FAT3: variants seen among roughly 807,000 people sequenced by gnomAD.
FAT3 encodes the protein protocadherin Fat 3.
A neutral mutation model predicts 310.2 loss-of-function variants in FAT3; 95 were observed. That is an observed-to-expected ratio of 0.31 (90% CI 0.26 to 0.36). FAT3 has a LOEUF of 0.36. FAT3 is among the 10% of genes least tolerant of loss of function. The pLI is 1.00. For synonymous variants in FAT3, 2,314 were observed against 2,192.9 expected (o/e 1.06, Z -1.54); for missense variants, 5,408 against 5,715.6 (o/e 0.95, Z 1.74).
intron 1 of FAT3, among the ~76,000 whole-genome samples, chr11:92,318,901 A>G (rs1947535287): frequency 1.3e-5 from 2 of 152,224 alleles, no homozygotes; most frequent in African/African-American, 2.4e-5. Flanking sequence ...GCATGTGCTG[A>G]GTGCAGCAAA....
At chr11:92,566,589 A>G (rs1955457803) in intron 3 of FAT3, among the ~76,000 whole-genome samples, 1 of 151,724 alleles carries the variant, frequency 6.6e-6, no homozygotes, top group African/African-American at 2.4e-5. Context: ...AGTCAATCCT[A>G]AGCCAAAAGA....
At chr11:92,368,305 A>G (rs1356737457) in intron 2 of FAT3, among the ~76,000 whole-genome samples, 1 of 152,188 alleles carries the variant, frequency 6.6e-6, no homozygotes, top group Non-Finnish European at 1.5e-5. Context: ...GTTATTTTTA[A>G]TGACATGCCA....
chr11:92,515,043 C>T (rs1054589528), intron 2 of FAT3, among the ~76,000 whole-genome samples: 1 of 152,050 alleles, frequency 6.6e-6, no homozygotes, highest in African/African-American at 2.4e-5. Flanking sequence ...TCTTTGAGGT[C>T]TCTTCCAGGT....
chr11:92,268,946 C>T (rs1946041934), intron 1 of FAT3, among the ~76,000 whole-genome samples: 1 of 152,034 alleles, frequency 6.6e-6, no homozygotes, highest in Non-Finnish European at 1.5e-5. Context: ...CCATTTCAGC[C>T]TTTTACTTTG....
At position 92,895,083 on chromosome 11, in the gene FAT3, A is replaced by G. The variant is rs1950001838; in HGVS notation, c.*3970A>G. 1 of 152,226 alleles carries G rather than the reference A, an allele frequency of 6.6e-6. No individual in the cohort carries two copies. The highest frequency in any genetic ancestry group is 6.5e-5 in the Admixed American group (1 of 15,286). 9.4% of individuals were successfully genotyped at this position (152,226 alleles called of 1,614,324 possible). A position where few individuals can be genotyped will look rare whatever the true frequency, so the allele number is the denominator to read the frequency against. ...AAGATCTAGTGTTCATTTTGCATGGATTGTCCAGATAATTGGCTCTTCACT... is the reference window on the plus strand; with the variant it reads ...AAGATCTAGTGTTCATTTTGCATGGGTTGTCCAGATAATTGGCTCTTCACT... On this transcript the variant is annotated 3_prime_UTR_variant, in exon 28 of 28. Coordinates refer to ENST00000525166, the MANE Select transcript of FAT3 (RefSeq NM_001367949.2).
intron 4 of FAT3, among the ~76,000 whole-genome samples, chr11:92,735,640 A>G (rs1945322571): frequency 1.3e-5 from 2 of 152,046 alleles, no homozygotes; most frequent in African/African-American, 4.8e-5. Context: ...TTGCATGAAC[A>G]TGTTAACAAT....
intron 3 of FAT3, among the ~76,000 whole-genome samples, chr11:92,657,260 T>G (rs989188012): frequency 1.2e-4 from 19 of 152,144 alleles, no homozygotes; most frequent in African/African-American, 4.3e-4. Flanking sequence ...ATATCTCCAG[T>G]AGTACATCCA....
chr11:92,442,081 T>TTATATATATA (rs869247397), intron 2 of FAT3, among the ~76,000 whole-genome samples: 6 of 69,988 alleles, frequency 8.6e-5, no homozygotes, highest in African/African-American at 4.1e-4. Context: ...AATATATATT[T>TTATATATATA]TATATATATA....
At position 92,679,490 on chromosome 11, in the gene FAT3, C is replaced by G. The variant is rs890676832; in HGVS notation, c.3608-17894C>G. Among the ~76,000 whole-genome samples, 99 of 151,664 alleles carry G rather than the reference C, an allele frequency of 6.5e-4. 2 individuals carry two copies. The highest frequency in any genetic ancestry group is 3.2e-3 in the Middle Eastern group (1 of 316). ...TATTTTTTGTTTTTTTAATAATAGC[C>G]ATTCTAACTGAGGTAAGATAATATC... On this transcript the variant is annotated intron_variant, in intron 3 of 27. Transcript: ENST00000525166.
chr11:92,560,657 CTGTT>C (rs1384907378), intron 3 of FAT3, among the ~76,000 whole-genome samples: 10 of 151,810 alleles, frequency 6.6e-5, no homozygotes, highest in Non-Finnish European at 1.2e-4. Flanking sequence ...GAAAAAGACT[CTGTT>C]TATGCTGTGT....
In FAT3 at chr11:92,625,655, A is replaced by G. The variant is rs190142345; in HGVS notation, c.3608-71729A>G. On this transcript the variant is annotated intron_variant, in intron 3 of 27. Coordinates refer to ENST00000525166, the MANE Select transcript of FAT3 (RefSeq NM_001367949.2). Reference sequence around the variant, plus strand: ...TATTTCCCCAAAGTTGTCATTGGCTATGGCTATTTGATGTTTTATGGGGTG... The same window carrying G: ...TATTTCCCCAAAGTTGTCATTGGCTGTGGCTATTTGATGTTTTATGGGGTG... Among the ~76,000 whole-genome samples, 544 of 152,068 alleles carry G rather than the reference A, an allele frequency of 3.6e-3. 8 individuals are homozygous for G. The highest frequency in any genetic ancestry group is 2.8e-3 in the Non-Finnish European group (191 of 67,974).
chr11:92,555,152 G>T (rs754581875), intron 3 of FAT3, among the ~76,000 whole-genome samples: 1 of 152,082 alleles, frequency 6.6e-6, no homozygotes, highest in African/African-American at 2.4e-5. Context: ...TTGAAAATTT[G>T]CAGGTACTGC....
chr11:92,237,020 G>T (rs947677417), intron 1 of FAT3, among the ~76,000 whole-genome samples: 3 of 152,038 alleles, frequency 2.0e-5, no homozygotes, highest in African/African-American at 7.2e-5. Flanking sequence ...AGGCCTGCTG[G>T]GTAGCAGCAG....
At chr11:92,328,122 C>A (rs1203099111) in intron 1 of FAT3, among the ~76,000 whole-genome samples, 1 of 152,124 alleles carries the variant, frequency 6.6e-6, no homozygotes, top group Non-Finnish European at 1.5e-5. Context: ...ATTCCTTTTT[C>A]TTCTCAGTTC....
intron 3 of FAT3, among the ~76,000 whole-genome samples, chr11:92,679,556 G>T (rs1252779773): frequency 5.3e-5 from 8 of 151,854 alleles, no homozygotes; most frequent in Non-Finnish European, 1.2e-4. Flanking sequence ...GATTAATAAT[G>T]TTGAGGCCAG....
chr11:92,778,751 GAC>G (rs1946660817), intron 7 of FAT3, among the ~76,000 whole-genome samples: 1 of 151,890 alleles, frequency 6.6e-6, no homozygotes, highest in South Asian at 2.1e-4. Flanking sequence ...TGCAGCCCCC[GAC>G]ACTCCCTGGG....
chr11:92,589,686 C>T (rs963613210), intron 3 of FAT3, among the ~76,000 whole-genome samples: 1 of 151,938 alleles, frequency 6.6e-6, no homozygotes, highest in Non-Finnish European at 1.5e-5. Flanking sequence ...CGCTCTCCCC[C>T]ACACCCCGCC....
intron 3 of FAT3, among the ~76,000 whole-genome samples, chr11:92,671,734 T>C (rs769378671): frequency 3.9e-5 from 6 of 152,210 alleles, no homozygotes; most frequent in Non-Finnish European, 4.4e-5. Flanking sequence ...TGTTTTGCTC[T>C]TCATTATATC....
At chr11:92,294,612 C>A (rs1375907106) in intron 1 of FAT3, among the ~76,000 whole-genome samples, 6 of 151,680 alleles carry the variant, frequency 4.0e-5, no homozygotes, top group Non-Finnish European at 7.4e-5. Flanking sequence ...ATCAAGAGTT[C>A]ATTCTATGTT....
Sources: allele counts gnomAD v4.1 joint callset (sites outside exome capture counted in the v4.1 genomes callset), GRCh38; gene constraint gnomAD v4.1.1; transcripts MANE v1.5; gene names NCBI Gene and HGNC (gene_info 2026-07-23, HGNC 2026-07-21).